Variants in PTPRD observed in about 807,000 individuals in gnomAD.
PTPRD encodes the protein protein tyrosine phosphatase receptor type D, also known as receptor-type tyrosine-protein phosphatase delta.
Under a neutral mutation model 214.5 loss-of-function variants are expected in PTPRD, and 34 were observed. That is an observed-to-expected ratio of 0.16 (90% CI 0.12 to 0.21). The LOEUF is 0.21. Among genes scored for constraint, PTPRD ranks in the 10% least tolerant of loss-of-function variants. PTPRD has a pLI of 1.00. For synonymous variants in PTPRD, 1,128 were observed against 845.7 expected (o/e 1.33, Z -5.79); for missense variants, 2,545 against 2,398.7 (o/e 1.06, Z -1.27).
At chr9:8,947,014 A>AG (rs2099069237) in intron 11 of PTPRD, among the ~76,000 whole-genome samples, 1 of 106,968 alleles carries the variant, frequency 9.3e-6, no homozygotes, top group African/African-American at 3.7e-5. Context: ...GTCTCTCTGT[A>AG]TTTTTTTTTC....
At chr9:10,105,784 A>G (rs570121162) in intron 3 of PTPRD, among the ~76,000 whole-genome samples, 2 of 151,886 alleles carry the variant, frequency 1.3e-5, no homozygotes, top group African/African-American at 4.8e-5. Flanking sequence ...TACAAGTGAA[A>G]GTGTAGTCTC....
At chr9:8,856,997 C>T (rs768584130) in intron 11 of PTPRD, among the ~76,000 whole-genome samples, 15 of 152,272 alleles carry the variant, frequency 9.9e-5, no homozygotes, top group South Asian at 4.1e-4. Context: ...ACAACTTTGA[C>T]TCTTCATTAT....
intron 8 of PTPRD, among the ~76,000 whole-genome samples, chr9:9,485,290 T>C (rs1351849985): frequency 6.6e-6 from 1 of 152,234 alleles, no homozygotes; most frequent in Non-Finnish European, 1.5e-5. Context: ...CATGTCATTA[T>C]ATCTCTAAAT....
At chr9:8,840,857 C>G (rs2097544489) in intron 11 of PTPRD, among the ~76,000 whole-genome samples, 2 of 152,166 alleles carry the variant, frequency 1.3e-5, no homozygotes, top group African/African-American at 4.8e-5. Context: ...AACTACAATA[C>G]TGTACTGGCT....
intron 9 of PTPRD, among the ~76,000 whole-genome samples, chr9:9,196,491 T>A (rs1177081328): frequency 6.6e-6 from 1 of 152,164 alleles, no homozygotes; most frequent in East Asian, 1.9e-4. Context: ...TTATAAGGAA[T>A]GATTCAATAA....
At chr9:8,934,203 T>C (rs1414642782) in intron 11 of PTPRD, among the ~76,000 whole-genome samples, 2 of 150,816 alleles carry the variant, frequency 1.3e-5, no homozygotes, top group African/African-American at 2.4e-5. Flanking sequence ...AAAAAAAGAA[T>C]GGAAAGATAG....
chr9:9,040,193 T>G (rs1768831632), intron 10 of PTPRD, among the ~76,000 whole-genome samples: 1 of 152,162 alleles, frequency 6.6e-6, no homozygotes, highest in South Asian at 2.1e-4. Flanking sequence ...TGATGTGGAA[T>G]TGGAGGCTTG....
chr9:10,084,675 TA>T (rs1303689261), intron 3 of PTPRD, among the ~76,000 whole-genome samples: 2 of 151,844 alleles, frequency 1.3e-5, no homozygotes, highest in African/African-American at 2.4e-5. Flanking sequence ...TATTTTTTTT[TA>T]GGTTTTACAA....
intron 10 of PTPRD, among the ~76,000 whole-genome samples, chr9:9,162,404 A>T (rs1366397747): frequency 1.3e-5 from 2 of 152,094 alleles, no homozygotes; most frequent in African/African-American, 4.8e-5. Context: ...GATCCAGAAG[A>T]TTACTTAAAA....
chr9:8,579,818 T>C (rs1050719007), intron 14 of PTPRD, among the ~76,000 whole-genome samples: 1 of 152,150 alleles, frequency 6.6e-6, no homozygotes, highest in African/African-American at 2.4e-5. Context: ...GAATGTAGTA[T>C]GTTAGATGGA....
At chr9:9,168,285 G>C (rs1351854779) in intron 10 of PTPRD, among the ~76,000 whole-genome samples, 3 of 152,254 alleles carry the variant, frequency 2.0e-5, no homozygotes, top group Non-Finnish European at 4.4e-5. Flanking sequence ...ATCCTCTACA[G>C]AATACCACTG....
chr9:8,487,242 T>C (rs1457616373), intron 27 of PTPRD, among the ~76,000 whole-genome samples: 10 of 152,316 alleles, frequency 6.6e-5, no homozygotes, highest in African/African-American at 1.4e-4. Context: ...AAACTTCTTA[T>C]GGTGAAAGGC....
At chr9:9,350,744 G>C (rs373567832) in intron 9 of PTPRD, among the ~76,000 whole-genome samples, 1 of 151,786 alleles carries the variant, frequency 6.6e-6, no homozygotes, top group African/African-American at 2.4e-5. Flanking sequence ...AATTTGAAAA[G>C]GAACTTCAAA....
intron 5 of PTPRD, among the ~76,000 whole-genome samples, chr9:9,800,209 C>T (rs2099029956): frequency 6.6e-6 from 1 of 152,106 alleles, no homozygotes; most frequent in East Asian, 1.9e-4. Flanking sequence ...GGGTGGTGCA[C>T]TTGCAGTACC....
At chr9:10,547,537 C>T (rs1261056643) in intron 2 of PTPRD, among the ~76,000 whole-genome samples, 2 of 151,942 alleles carry the variant, frequency 1.3e-5, no homozygotes, top group African/African-American at 4.8e-5. Context: ...AAATCTCATT[C>T]CCCTCTTCCC....
At chr9:9,243,812 G>C (rs560141839) in intron 9 of PTPRD, among the ~76,000 whole-genome samples, 2 of 152,028 alleles carry the variant, frequency 1.3e-5, no homozygotes, top group Non-Finnish European at 2.9e-5. Flanking sequence ...GGAGAATGAA[G>C]TAAAGGGTAT....
intron 3 of PTPRD, among the ~76,000 whole-genome samples, chr9:10,057,863 A>AAAAAAAAACC (rs2154163379): frequency 8.9e-6 from 1 of 112,566 alleles, no homozygotes; most frequent in Non-Finnish European, 1.9e-5. Flanking sequence ...AAAAAAAAAC[A>AAAAAAAAACC]AAAAAAAAGT....
At chr9:10,533,034 T>C (rs943486068) in intron 2 of PTPRD, among the ~76,000 whole-genome samples, 1 of 152,084 alleles carries the variant, frequency 6.6e-6, no homozygotes, top group Non-Finnish European at 1.5e-5. Flanking sequence ...TCTAATGCTC[T>C]CCAGATAGGG....
chr9:9,373,037 G>A (rs1259809847), intron 9 of PTPRD, among the ~76,000 whole-genome samples: 1 of 151,960 alleles, frequency 6.6e-6, no homozygotes, highest in East Asian at 1.9e-4. Flanking sequence ...AACACTCAAT[G>A]TTATGTATCT....
Sources: allele counts gnomAD v4.1 joint callset (sites outside exome capture counted in the v4.1 genomes callset), GRCh38; gene constraint gnomAD v4.1.1; transcripts MANE v1.5; gene names NCBI Gene and HGNC (gene_info 2026-07-23, HGNC 2026-07-21).